The following CD44 variants were observed in gnomAD, a reference collection of about 807,000 sequenced individuals.
CD44 encodes the protein CD44 antigen.
CD44 carries 49 observed loss-of-function variants against 88.8 expected under a neutral mutation model. The observed-to-expected ratio is 0.55, with a 90% CI of 0.44 to 0.70. CD44 has a LOEUF of 0.70. Among genes scored for constraint, CD44 ranks in the 30% least tolerant of loss-of-function variants. CD44 has a pLI of 0.00. For synonymous variants in CD44, 325 were observed against 312.3 expected (o/e 1.04, Z -0.43); for missense variants, 883 against 913.8 (o/e 0.97, Z 0.43).
intron 1 of CD44, among the ~76,000 whole-genome samples, chr11:35,174,064 A>G (rs1944194155): frequency 6.6e-6 from 1 of 152,158 alleles, no homozygotes; most frequent in Non-Finnish European, 1.5e-5. Flanking sequence ...GCAACACAGA[A>G]TCTCAAAGGT....
In CD44 at chr11:35,231,839, A is replaced by T. The variant is rs1175887640; in HGVS notation, c.*2506A>T. On this transcript the variant is annotated 3_prime_UTR_variant, in exon 18 of 18. Coordinates refer to ENST00000428726, the MANE Select transcript of CD44 (RefSeq NM_000610.4). ...TTGCAAAGCAACCTAAGAGCTAAAGATGTAATTTTTCTTGCAATTGTAAAT... is the reference window on the plus strand; with the variant it reads ...TTGCAAAGCAACCTAAGAGCTAAAGTTGTAATTTTTCTTGCAATTGTAAAT... 1 of 152,230 alleles carries T rather than the reference A, an allele frequency of 6.6e-6. No homozygotes were observed. The highest frequency in any genetic ancestry group is 1.5e-5 in the Non-Finnish European group (1 of 68,032). The allele number at this position is 152,230 out of a possible 1,614,324, so 9.4% of individuals were successfully genotyped here.
chr11:35,202,675 G>T (rs148133247), intron 9 of CD44, among the ~76,000 whole-genome samples: 2 of 152,162 alleles, frequency 1.3e-5, no homozygotes, highest in African/African-American at 4.8e-5. Context: ...ATGGCTTGAG[G>T]GGTGCCTTCA....
At chr11:35,142,539 T>G (rs961013965) in intron 1 of CD44, among the ~76,000 whole-genome samples, 1 of 152,116 alleles carries the variant, frequency 6.6e-6, no homozygotes, top group African/African-American at 2.4e-5. Context: ...TCTCTCTAAT[T>G]GAGCATTAGA....
chr11:35,144,183 C>T (rs1858596447), intron 1 of CD44, among the ~76,000 whole-genome samples: 1 of 152,186 alleles, frequency 6.6e-6, no homozygotes, highest in Non-Finnish European at 1.5e-5. Flanking sequence ...ATCACCTGGG[C>T]CTCCTCAGCA....
At chr11:35,146,980 T>A (rs1296659400) in intron 1 of CD44, among the ~76,000 whole-genome samples, 2 of 152,246 alleles carry the variant, frequency 1.3e-5, no homozygotes, top group Non-Finnish European at 2.9e-5. Context: ...GATCTCTGAA[T>A]AGAAGCTCTA....
In CD44 at chr11:35,194,610, C is replaced by T. The variant is rs76444239; in HGVS notation, c.668-2136C>T. Among the ~76,000 whole-genome samples, 1,254 of 152,234 alleles carry T rather than the reference C, an allele frequency of 8.2e-3. 45 individuals carry two copies. The East Asian group carries it at 0.12, about 14-fold the overall frequency. On this transcript the variant is annotated intron_variant, in intron 5 of 17. Coordinates refer to ENST00000428726, the MANE Select transcript of CD44 (RefSeq NM_000610.4). ...GACCTTTTAGTGTTAGGGGAGAGGACGTCCATTATCACGTCAAATCTCCTT... is the reference window on the plus strand; with the variant it reads ...GACCTTTTAGTGTTAGGGGAGAGGATGTCCATTATCACGTCAAATCTCCTT...
chr11:35,224,662 C>T (rs1429442845), intron 17 of CD44, among the ~76,000 whole-genome samples: 2 of 151,872 alleles, frequency 1.3e-5, no homozygotes, highest in Admixed American at 6.6e-5. Context: ...GCTTGAGCCC[C>T]GGGAGGTGGA....
At chr11:35,194,642 T>C (rs1946563056) in intron 5 of CD44, among the ~76,000 whole-genome samples, 1 of 152,224 alleles carries the variant, frequency 6.6e-6, no homozygotes, top group Non-Finnish European at 1.5e-5. Flanking sequence ...CCTTCATCAT[T>C]CTTAGTGAGA....
At chr11:35,169,430 A>G (rs1459111613) in intron 1 of CD44, among the ~76,000 whole-genome samples, 3 of 152,096 alleles carry the variant, frequency 2.0e-5, no homozygotes, top group Non-Finnish European at 2.9e-5. Context: ...ACACACACAC[A>G]CACACACACA....
chr11:35,175,609 C>G (rs935875999), intron 1 of CD44, among the ~76,000 whole-genome samples: 12 of 152,192 alleles, frequency 7.9e-5, no homozygotes, highest in African/African-American at 2.9e-4. Context: ...TAGTGGTGGA[C>G]TTATTTTCCT....
At chr11:35,206,091 G>T (rs1332585222) in intron 10 of CD44, 21 bp from the exon 11 acceptor site, 2 of 1,585,724 alleles carry the variant, frequency 1.3e-6, no homozygotes, top group Non-Finnish European at 1.7e-6. Flanking sequence ...TTTGACAATT[G>T]CTCAAACTGC....
At chr11:35,169,521 C>A (rs905157557) in intron 1 of CD44, among the ~76,000 whole-genome samples, 2 of 152,040 alleles carry the variant, frequency 1.3e-5, no homozygotes, top group African/African-American at 2.4e-5. Context: ...ATTGAAAATC[C>A]CTTGCAGCCC....
At chr11:35,187,661 G>C (rs1440911785) in intron 4 of CD44, among the ~76,000 whole-genome samples, 1 of 152,170 alleles carries the variant, frequency 6.6e-6, no homozygotes, top group African/African-American at 2.4e-5. Flanking sequence ...CTCTGGGTCT[G>C]AGTCATGTTC....
intron 9 of CD44, among the ~76,000 whole-genome samples, chr11:35,204,188 A>G (rs974959628): frequency 2.0e-5 from 3 of 152,208 alleles, no homozygotes; most frequent in African/African-American, 7.2e-5. Flanking sequence ...CAGACAGGGT[A>G]TGTGAAGCCA....
intron 1 of CD44, among the ~76,000 whole-genome samples, chr11:35,164,345 G>A (rs1168007312): frequency 3.3e-5 from 5 of 152,208 alleles, no homozygotes; most frequent in Non-Finnish European, 5.9e-5. Context: ...TCTGTGAAAT[G>A]GGGGTGATTT....
chr11:35,150,456 G>A (rs1283342117), intron 1 of CD44, among the ~76,000 whole-genome samples: 2 of 152,050 alleles, frequency 1.3e-5, no homozygotes, highest in African/African-American at 4.8e-5. Flanking sequence ...TCTTGCTCAG[G>A]AAAAAGAAAG....
chr11:35,199,295 TCC>T (rs1431120044), intron 7 of CD44, among the ~76,000 whole-genome samples: 1 of 152,202 alleles, frequency 6.6e-6, no homozygotes, highest in Admixed American at 6.5e-5. Flanking sequence ...TTTAAAGATA[TCC>T]TTAAAAAGTT....
chr11:35,199,455 TG>T (rs1947080606), intron 7 of CD44, among the ~76,000 whole-genome samples: 5 of 152,158 alleles, frequency 3.3e-5, no homozygotes, highest in Admixed American at 3.3e-4. Context: ...AAAAGGCTTT[TG>T]GGGTGCTGTG....
Position 35,211,332 on chromosome 11 carries a change from C to G in CD44, c.1693C>G (p.Pro565Ala), listed in dbSNP as rs891643658. ...TLLEGYTSHY[P>A]HTKESRTFIP... Reference sequence around the variant, plus strand: ...ACTGGAAGGTTATACCTCTCATTACCCACACACGAAGGAAAGCAGGACCTT... The same window carrying G: ...ACTGGAAGGTTATACCTCTCATTACGCACACACGAAGGAAAGCAGGACCTT... The change falls in exon 14 of 18, where the codon CCA becomes GCA. Residue 565 changes from proline (P) to alanine (A), a missense_variant. Pro to Ala is a conservative substitution (Grantham distance 27). Around this residue, in one of 2 missense-constraint regions of CD44, gnomAD observed 631 missense variants for 590.9 expected, o/e 1.07. Transcript: ENST00000428726. The G allele has an allele frequency of 6.2e-7, 1 of 1,613,860 alleles. No individual in the cohort carries two copies. Among genetic ancestry groups the G allele is most frequent in the East Asian group, 2.2e-5 (1 of 44,872 alleles).
Sources: gnomAD v4.1 joint callset for allele counts (sites outside exome capture counted in the v4.1 genomes callset) on GRCh38, gnomAD v4.1.1 for gene constraint, gnomAD v4.1.1 regional missense constraint, MANE v1.5 for transcripts, NCBI Gene and HGNC (gene_info 2026-07-23, HGNC 2026-07-21) for gene names.